Variants in KCND2 observed in about 807,000 individuals in gnomAD.
KCND2 encodes the protein A-type voltage-gated potassium channel KCND2.
In KCND2, 16 loss-of-function variants were observed where a neutral mutation model predicts 54.4. The ratio of observed to expected loss-of-function variants is 0.29; its 90% confidence interval spans 0.20 to 0.45. The LOEUF (loss-of-function observed/expected upper bound fraction) is 0.45. Among genes scored for constraint, KCND2 ranks in the 20% least tolerant of loss-of-function variants. The probability of loss-of-function intolerance (pLI) is 1.00; values close to 1 mark genes in which losing one functional copy is unlikely to be tolerated. For missense variants in KCND2, 486 were observed against 824.2 expected (o/e 0.59, Z 5.02); for synonymous variants, 317 against 310.7 (o/e 1.02, Z -0.21).
At chr7:120,518,016 C>T (rs137945924) in intron 1 of KCND2, among the ~76,000 whole-genome samples, 75 of 152,136 alleles carry the variant, frequency 4.9e-4, no homozygotes, top group Middle Eastern at 3.4e-3. Context: ...GTGTTCTTTG[C>T]GATCCTCATG....
intron 1 of KCND2, among the ~76,000 whole-genome samples, chr7:120,468,665 T>C (rs991954108): frequency 1.3e-5 from 2 of 152,184 alleles, no homozygotes; most frequent in African/African-American, 2.4e-5. Flanking sequence ...CCTATCTATA[T>C]GCCACGATTT....
At chr7:120,528,677 C>A (rs982373554) in intron 1 of KCND2, among the ~76,000 whole-genome samples, 2 of 152,118 alleles carry the variant, frequency 1.3e-5, no homozygotes, top group Non-Finnish European at 2.9e-5. Flanking sequence ...CATTTTGCTG[C>A]AATGATTACA....
intron 1 of KCND2, among the ~76,000 whole-genome samples, chr7:120,408,758 G>A (rs570285688): frequency 1.3e-5 from 2 of 151,852 alleles, no homozygotes; most frequent in South Asian, 4.2e-4. Context: ...GACAGAATCA[G>A]AGACAGGGTA....
intron 1 of KCND2, among the ~76,000 whole-genome samples, chr7:120,458,721 G>A (rs1014822106): frequency 2.0e-5 from 3 of 152,076 alleles, no homozygotes; most frequent in African/African-American, 7.2e-5. Flanking sequence ...GAATGGAGCA[G>A]TCATCCTGCA....
At chr7:120,525,966 G>A (rs1280127343) in intron 1 of KCND2, among the ~76,000 whole-genome samples, 1 of 152,042 alleles carries the variant, frequency 6.6e-6, no homozygotes, top group East Asian at 1.9e-4. Flanking sequence ...AAGCATGTTT[G>A]GTTACTGTTC....
intron 1 of KCND2, among the ~76,000 whole-genome samples, chr7:120,558,344 G>A (rs1186847380): frequency 6.6e-6 from 1 of 152,168 alleles, no homozygotes; most frequent in Non-Finnish European, 1.5e-5. Flanking sequence ...GGATACAACA[G>A]TAAGAGAGAG....
At chr7:120,502,654 G>A (rs994785102) in intron 1 of KCND2, among the ~76,000 whole-genome samples, 86 of 152,010 alleles carry the variant, frequency 5.7e-4, no homozygotes, top group African/African-American at 2.0e-3. Flanking sequence ...AAAACTATGA[G>A]TATGCAAGCT....
At chr7:120,580,935 G>T (rs73439885) in intron 1 of KCND2, among the ~76,000 whole-genome samples, 2,114 of 152,242 alleles carry the variant, frequency 0.014, 65 homozygotes, top group African/African-American at 0.048. Context: ...CTTAAATTCA[G>T]TAGAAAACTG....
At chr7:120,391,083 A>G (rs1801070090) in intron 1 of KCND2, among the ~76,000 whole-genome samples, 1 of 151,986 alleles carries the variant, frequency 6.6e-6, no homozygotes, top group Admixed American at 6.6e-5. Flanking sequence ...CCACTGCCCA[A>G]CAGGCCCTGG....
chr7:120,667,039 T>G (rs1791935575), intron 1 of KCND2, among the ~76,000 whole-genome samples: 1 of 151,960 alleles, frequency 6.6e-6, no homozygotes, highest in Non-Finnish European at 1.5e-5. Flanking sequence ...CTCTAAGTCT[T>G]GCAAAAGACT....
At chr7:120,527,984 GATAAA>G (rs1340713758) in intron 1 of KCND2, among the ~76,000 whole-genome samples, 1 of 152,090 alleles carries the variant, frequency 6.6e-6, no homozygotes, top group African/African-American at 2.4e-5. Flanking sequence ...TGTGGAAACT[GATAAA>G]ATAAGTACAT....
At chr7:120,698,977 C>T (rs1792366331) in intron 1 of KCND2, among the ~76,000 whole-genome samples, 1 of 152,028 alleles carries the variant, frequency 6.6e-6, no homozygotes, top group African/African-American at 2.4e-5. Flanking sequence ...TAAAGTCTAG[C>T]ACATGAAAAT....
intron 1 of KCND2, among the ~76,000 whole-genome samples, chr7:120,277,574 TA>T (rs1256483869): frequency 6.6e-6 from 1 of 152,044 alleles, no homozygotes; most frequent in African/African-American, 2.4e-5. Context: ...TAATGCTATA[TA>T]GTGTCTATAT....
intron 1 of KCND2, among the ~76,000 whole-genome samples, chr7:120,662,264 A>G (rs1791875334): frequency 6.6e-6 from 1 of 152,204 alleles, no homozygotes; most frequent in South Asian, 2.1e-4. Flanking sequence ...ATGTGGCCAT[A>G]CATTTTTACT....
Position 120,651,067 on chromosome 7 carries a change from AC to A in KCND2, c.1116-81833del, listed in dbSNP as rs1791726081. 1.4e-5 allele frequency among the ~76,000 whole-genome samples: 2 copies of A among 143,110 alleles called. 1 individual carries two copies. The highest frequency in any genetic ancestry group is 3.0e-5 in the Non-Finnish European group (2 of 65,850). 93.9% of individuals were successfully genotyped at this position (143,110 alleles called of 152,430 possible). ...CAGTTAGGCTACTTGGGTGTCAGGG[AC>A]CCAGTTGAGGAGGCAGTCTGACCAT... On this transcript the variant is annotated intron_variant, in intron 1 of 5. Coordinates refer to ENST00000331113, the MANE Select transcript of KCND2 (RefSeq NM_012281.3).
chr7:120,486,874 A>G (rs906609774), intron 1 of KCND2, among the ~76,000 whole-genome samples: 2 of 152,068 alleles, frequency 1.3e-5, no homozygotes, highest in African/African-American at 2.4e-5. Context: ...AAAAAGGAAA[A>G]TCAATGTTAG....
intron 1 of KCND2, among the ~76,000 whole-genome samples, chr7:120,724,522 A>G (rs536265840): frequency 6.6e-6 from 1 of 152,286 alleles, no homozygotes; most frequent in East Asian, 1.9e-4. Flanking sequence ...CAGTGAGACT[A>G]TGGGGTGTAT....
chr7:120,655,243 G>A (rs1791786914), intron 1 of KCND2, among the ~76,000 whole-genome samples: 1 of 151,956 alleles, frequency 6.6e-6, no homozygotes, highest in Admixed American at 6.6e-5. Flanking sequence ...CACCAAAAGA[G>A]GCAGCATCAG....
At chr7:120,597,702 A>C (rs1287127143) in intron 1 of KCND2, among the ~76,000 whole-genome samples, 1 of 152,188 alleles carries the variant, frequency 6.6e-6, no homozygotes, top group Non-Finnish European at 1.5e-5. Context: ...AAGTGAAACA[A>C]CCTAAGTGAT....
Sources: gnomAD v4.1 joint callset for allele counts (sites outside exome capture counted in the v4.1 genomes callset) on GRCh38, gnomAD v4.1.1 for gene constraint, MANE v1.5 for transcripts, NCBI Gene and HGNC (gene_info 2026-07-23, HGNC 2026-07-21) for gene names.